Variants in ENTPD3 observed in about 807,000 individuals in gnomAD.
ENTPD3 encodes CD39 antigen-like 3.
Under a neutral mutation model 51.2 loss-of-function variants are expected in ENTPD3, and 60 were observed. That is an observed-to-expected ratio of 1.17 (90% CI 0.95 to 1.45). The LOEUF (loss-of-function observed/expected upper bound fraction) is 1.45, where lower values mean the gene tolerates loss of function less well. Among genes scored for constraint, ENTPD3 ranks in the 40% most tolerant of loss-of-function variants. The probability of loss-of-function intolerance (pLI) is 0.00; values close to 1 mark genes in which losing one functional copy is unlikely to be tolerated. For missense variants in ENTPD3, 593 were observed against 641.1 expected (o/e 0.93, Z 0.81); for synonymous variants, 221 against 238.4 (o/e 0.93, Z 0.67).
chr3:40,427,207 C>A, intron 10 of ENTPD3, 65 bp from the exon 11 acceptor site: 1 of 1,312,856 alleles, frequency 7.6e-7, no homozygotes. Flanking sequence ...AGCAGTATGA[C>A]TCCGGTATGT....
At chr3:40,414,515 G>C (rs1034758101) in intron 5 of ENTPD3, among the ~76,000 whole-genome samples, 166 bp from the exon 6 acceptor site, 1 of 152,190 alleles carries the variant, frequency 6.6e-6, no homozygotes, top group Non-Finnish European at 1.5e-5. Flanking sequence ...GCCCCAGAAG[G>C]CTTCAACTTG....
chr3:40,389,151 G>A (rs1189249051), intron 2 of ENTPD3, among the ~76,000 whole-genome samples: 3 of 152,168 alleles, frequency 2.0e-5, no homozygotes, highest in African/African-American at 7.2e-5. Context: ...AGATTGTAAC[G>A]TCACTCATAC....
At position 40,412,344 on chromosome 3, in the gene ENTPD3, C is replaced by T. The variant is rs532988902; in HGVS notation, c.437+382C>T. On this transcript the variant is annotated intron_variant, in intron 5 of 10. Coordinates refer to ENST00000301825, the MANE Select transcript of ENTPD3 (RefSeq NM_001248.4). ...AGTACAACCCATAGCTATGTAGCTT[C>T]CGCTTGTGTACAAAATACCACTGAA... Among the ~76,000 whole-genome samples the T allele has an allele frequency of 5.9e-5, 9 of 152,252 alleles. No homozygotes were observed. The South Asian group carries it at 1.9e-3, about 32-fold the overall frequency.
intron 2 of ENTPD3, among the ~76,000 whole-genome samples, chr3:40,390,180 A>C (rs1367286248): frequency 6.6e-6 from 1 of 152,098 alleles, no homozygotes; most frequent in Non-Finnish European, 1.5e-5. Context: ...ATTTATGTTG[A>C]TGTCCCAATA....
At chr3:40,417,378 G>A (rs549757354) in intron 7 of ENTPD3, among the ~76,000 whole-genome samples, 95 of 152,314 alleles carry the variant, frequency 6.2e-4, no homozygotes, top group Non-Finnish European at 9.7e-4. Context: ...AGTAGAAGGC[G>A]AAGCGGAAGC....
At chr3:40,392,271 CAGG>C (rs1384619829) in intron 3 of ENTPD3, 121 bp downstream of exon 3, 12 of 1,229,846 alleles carry the variant, frequency 9.8e-6, no homozygotes, top group Non-Finnish European at 1.2e-5. Context: ...TGGCTGAAGC[CAGG>C]AGAAGTTAGT....
chr3:40,414,938 C>A, intron 6 of ENTPD3, 98 bp downstream of exon 6: 1 of 1,196,196 alleles, frequency 8.4e-7, no homozygotes, highest in South Asian at 1.3e-5. Context: ...GGGATATCTG[C>A]CCTGTATCAC....
At chr3:40,402,518 C>T (rs1955388228) in intron 4 of ENTPD3, among the ~76,000 whole-genome samples, 1 of 152,116 alleles carries the variant, frequency 6.6e-6, no homozygotes, top group South Asian at 2.1e-4. Context: ...CTGTGAAATG[C>T]ATGTTCATGT....
chr3:40,400,276 A>AG (rs1290179462), intron 3 of ENTPD3, among the ~76,000 whole-genome samples: 3 of 152,012 alleles, frequency 2.0e-5, no homozygotes, highest in Admixed American at 6.5e-5. Context: ...AAAAAAAAAA[A>AG]AAAAAGAAAA....
At chr3:40,424,817 C>T (rs75824302) in intron 10 of ENTPD3, 7,326 of 701,074 alleles carry the variant, frequency 0.01, 168 homozygotes, top group African/African-American at 0.048. Flanking sequence ...CTGTTCAATA[C>T]CAGCTTCAGC....
chr3:40,420,360 C>T (rs879268259), intron 7 of ENTPD3, among the ~76,000 whole-genome samples: 30 of 151,572 alleles, frequency 2.0e-4, no homozygotes, highest in Non-Finnish European at 4.0e-4. Flanking sequence ...CTCAGCCTCC[C>T]GAGTAGCTGG....
intron 1 of ENTPD3, 180 bp from the exon 2 acceptor site, chr3:40,387,865 TG>T (rs1339696858): frequency 3.5e-6 from 2 of 566,002 alleles, no homozygotes; most frequent in Non-Finnish European, 6.4e-6. Context: ...GGAGATGACA[TG>T]AAATTTAAGC....
At chr3:40,393,522 G>A (rs1278706446) in intron 3 of ENTPD3, among the ~76,000 whole-genome samples, 1 of 152,110 alleles carries the variant, frequency 6.6e-6, no homozygotes, top group Non-Finnish European at 1.5e-5. Context: ...ATGGGTTTGA[G>A]CTAACATTCT....
Position 40,423,865 on chromosome 3 carries a change from C to A in ENTPD3, c.1255C>A (p.Arg419Ser). ...CCCCAAATTTGATGAGGTATATGCC[C>A]GCTCTTACTGCTTCTCAGCCAACTA... ...LLPKFDEVYA[R>S]SYCFSANYIY... Residue 419 changes from arginine (R) to serine (S), a missense_variant, in exon 10 of 11, where the codon CGC becomes AGC. Arg to Ser is a moderately radical substitution (Grantham distance 110). Transcript: ENST00000301825. The A allele has an allele frequency of 6.2e-7, 1 of 1,614,110 alleles. No homozygotes were observed. Among genetic ancestry groups the A allele is most frequent in the Non-Finnish European group, 8.5e-7 (1 of 1,180,014 alleles).
At chr3:40,422,140 A>G (rs1206543416) in intron 7 of ENTPD3, among the ~76,000 whole-genome samples, 1 of 151,658 alleles carries the variant, frequency 6.6e-6, no homozygotes, top group East Asian at 1.9e-4. Context: ...ATTGTCACAC[A>G]CACACACACA....
intron 3 of ENTPD3, among the ~76,000 whole-genome samples, chr3:40,400,038 G>A (rs1256779745): frequency 6.6e-6 from 1 of 152,172 alleles, no homozygotes; most frequent in Non-Finnish European, 1.5e-5. Context: ...GCCGAGGCGG[G>A]TGGATCACTT....
intron 10 of ENTPD3, among the ~76,000 whole-genome samples, chr3:40,426,587 A>C (rs189439642): frequency 6.6e-6 from 1 of 152,312 alleles, no homozygotes; most frequent in East Asian, 1.9e-4. Context: ...GAAATCAAGC[A>C]GGTGCCATTT....
intron 7 of ENTPD3, among the ~76,000 whole-genome samples, chr3:40,417,218 C>T (rs1238744007): frequency 6.6e-6 from 1 of 152,116 alleles, no homozygotes; most frequent in Non-Finnish European, 1.5e-5. Context: ...CCTCAACTAC[C>T]CTTCTGTAGT....
At chr3:40,390,799 C>T (rs1034015345) in intron 2 of ENTPD3, among the ~76,000 whole-genome samples, 3 of 152,100 alleles carry the variant, frequency 2.0e-5, no homozygotes, top group South Asian at 2.1e-4. Context: ...CTCTGTATAG[C>T]GCATTGCCAT....
Sources: allele counts gnomAD v4.1 joint callset (sites outside exome capture counted in the v4.1 genomes callset), GRCh38; gene constraint gnomAD v4.1.1; transcripts MANE v1.5; gene names NCBI Gene and HGNC (gene_info 2026-07-23, HGNC 2026-07-21).